Variants in MMUT observed in about 807,000 individuals in gnomAD.
MMUT encodes methylmalonyl-CoA mutase.
In MMUT, 79 loss-of-function variants were observed where a neutral mutation model predicts 79.9. The ratio of observed to expected loss-of-function variants is 0.99; its 90% CI spans 0.82 to 1.19. MMUT has a LOEUF of 1.19. Among genes scored for constraint, MMUT ranks in the 50% most tolerant of loss-of-function variants. MMUT has a pLI of 0.00. For missense variants in MMUT, 860 were observed against 917.2 expected (o/e 0.94, Z 0.81); for synonymous variants, 273 against 295.7 (o/e 0.92, Z 0.79).
intron 8 of MMUT, 151 bp from the exon 9 acceptor site, chr6:49,444,905 A>G: frequency 1.7e-6 from 1 of 583,212 alleles, no homozygotes. Context: ...AATAATATAT[A>G]ACCTAGGAAT....
chr6:49,445,403 A>C (rs537707815), intron 8 of MMUT, among the ~76,000 whole-genome samples: 1 of 152,204 alleles, frequency 6.6e-6, no homozygotes, highest in East Asian at 1.9e-4. Context: ...AGAGTCTAAA[A>C]TATACTGCTC....
In MMUT at chr6:49,430,947, G is replaced by T. The variant is rs992635137; in HGVS notation, c.*781C>A. 5 of 151,978 alleles carry T rather than the reference G, an allele frequency of 3.3e-5. No homozygotes were observed. The highest frequency in any genetic ancestry group is 3.3e-4 in the Admixed American group (5 of 15,268). 9.4% of individuals were successfully genotyped at this position (151,978 alleles called of 1,614,324 possible). A position where few individuals can be genotyped will look rare whatever the true frequency, so the allele number is the denominator to read the frequency against. On this transcript the variant is annotated 3_prime_UTR_variant, in exon 13 of 13. Coordinates refer to ENST00000274813, the MANE Select transcript of MMUT (RefSeq NM_000255.4). Reference sequence around the variant, plus strand: ...GCAAGGTAGCATCTTTCTAGATCTGGAAAGTTGAATTCTTTCTATATCACA... The same window carrying T: ...GCAAGGTAGCATCTTTCTAGATCTGTAAAGTTGAATTCTTTCTATATCACA...
intron 6 of MMUT, 74 bp from the exon 7 acceptor site, chr6:49,449,001 G>A: frequency 1.2e-6 from 1 of 868,926 alleles, no homozygotes; most frequent in Non-Finnish European, 1.9e-6. Context: ...TTTGTTATGA[G>A]TGTTATATAA....
intron 5 of MMUT, among the ~76,000 whole-genome samples, chr6:49,453,097 A>G (rs961048369): frequency 2.1e-5 from 3 of 139,704 alleles, no homozygotes; most frequent in African/African-American, 8.1e-5. Flanking sequence ...GCTGGAGTGC[A>G]GTGGCGTCAT....
chr6:49,431,924 C>G, intron 12 of MMUT, 68 bp from the exon 13 acceptor site: 1 of 1,550,746 alleles, frequency 6.4e-7, no homozygotes, highest in East Asian at 2.3e-5. Flanking sequence ...AAACCCTATC[C>G]TTTCTTCTTT....
At chr6:49,433,535 AT>A (rs909780505) in intron 12 of MMUT, among the ~76,000 whole-genome samples, 2 of 152,324 alleles carry the variant, frequency 1.3e-5, no homozygotes, top group Admixed American at 1.3e-4. Context: ...TGGGCCAGGG[AT>A]AGCACAGTGC....
intron 10 of MMUT, among the ~76,000 whole-genome samples, chr6:49,440,779 C>CA (rs1423766293): frequency 6.6e-6 from 1 of 152,072 alleles, no homozygotes; most frequent in Non-Finnish European, 1.5e-5. Flanking sequence ...TGAACTAAGA[C>CA]AAAAAATGAC....
chr6:49,458,045 T>C lies in MMUT; in HGVS notation c.399A>G (p.Gly133=), dbSNP rs2127420075. Residue 133 remains glycine (G), a synonymous_variant, in exon 3 of 13, where the codon GGA becomes GGG. Coordinates refer to ENST00000274813, the MANE Select transcript of MMUT (RefSeq NM_000255.4). ...YKDNIKAGQQ[G]LSVAFDLATH... is the part of the protein sequence containing the mutation. ...TCGCCAGATCAAAGGCAACTGATAA[T>C]CCCTGCTGACCAGCTAAATATATAA... 6.2e-7 allele frequency: 1 copy of C among 1,601,104 alleles called. No individual in the cohort carries two copies. Among genetic ancestry groups the C allele is most frequent in the East Asian group, 2.2e-5 (1 of 44,858 alleles).
chr6:49,454,025 C>G (rs998136619), intron 4 of MMUT, among the ~76,000 whole-genome samples: 2 of 151,918 alleles, frequency 1.3e-5, no homozygotes, highest in East Asian at 1.9e-4. Context: ...TTCCTATGCC[C>G]TTCATTAAAT....
intron 9 of MMUT, among the ~76,000 whole-genome samples, chr6:49,444,257 A>G (rs1010139509): frequency 6.6e-6 from 1 of 152,056 alleles, no homozygotes; most frequent in Admixed American, 6.6e-5. Context: ...AGTTTTTCCT[A>G]TAAATTCTCA....
chr6:49,455,932 G>T, intron 4 of MMUT, 148 bp downstream of exon 4: 1 of 672,500 alleles, frequency 1.5e-6, no homozygotes, highest in Non-Finnish European at 2.4e-6. Context: ...TAGAAATATT[G>T]GCTTTTTCTC....
rs1421261154 is a variant in MMUT, at chr6:49,444,631, A to C, written c.1676+8T>G. The C allele has an allele frequency of 6.2e-7, 1 of 1,609,120 alleles. No homozygotes were observed. On this transcript the variant is annotated splice_region_variant and intron_variant, in intron 9 of 12. Coordinates refer to ENST00000274813, the MANE Select transcript of MMUT (RefSeq NM_000255.4). Reference sequence around the variant, plus strand: ...TCTTTGGAAACCTCCAAACTTATATATCTTCACCTTGCCCGAGATGCATCC... The same window carrying C: ...TCTTTGGAAACCTCCAAACTTATATCTCTTCACCTTGCCCGAGATGCATCC...
rs561909809 is a variant in MMUT at position 49,433,677 on chromosome 6, C to T, written c.2124+1779G>A. Among the ~76,000 whole-genome samples, 490 of 152,198 alleles carry T rather than the reference C, an allele frequency of 3.2e-3. 5 individuals carry two copies. The highest frequency in any genetic ancestry group is 0.011 in the African/African-American group (460 of 41,532). ...CTGATGAGGAGAGACCACGTTTATT[C>T]ATTTAATCAGACTGCAGAAACTGTT... is the stretch of plus-strand genomic sequence containing the variant. On this transcript the variant is annotated intron_variant, in intron 12 of 12. Transcript: ENST00000274813.
At chr6:49,461,326 A>G (rs891033918) in intron 1 of MMUT, among the ~76,000 whole-genome samples, 1 of 152,208 alleles carries the variant, frequency 6.6e-6, no homozygotes, top group African/African-American at 2.4e-5. Flanking sequence ...TATATGTATA[A>G]GTAAAAAGTT....
rs1767442972 is a variant in MMUT at position 49,447,676 on chromosome 6, A to C, written c.1554T>G (p.Leu518=). 1 of 1,583,702 alleles carries C rather than the reference A, an allele frequency of 6.3e-7. No homozygotes were observed. The highest frequency in any genetic ancestry group is 1.7e-5 in the Admixed American group (1 of 59,744). ...TSVRNRQIEK[L]KKIKSSRDQA... ...AAAAGCAAGCTATTAATACCTTCTT[A>C]AGTTTTTCAATCTGCCTGTTTCGCA... is the stretch of plus-strand genomic sequence containing the variant. The change falls in exon 8 of 13, where the codon CTT becomes CTG. Residue 518 remains leucine (L), a synonymous_variant. Coordinates refer to ENST00000274813, the MANE Select transcript of MMUT (RefSeq NM_000255.4).
rs748363752 is a variant in MMUT at position 49,431,819 on chromosome 6, A to G, written c.2162T>C (p.Val721Ala). 24 of 1,613,750 alleles carry G rather than the reference A, an allele frequency of 1.5e-5. No homozygotes were observed. The highest frequency in any genetic ancestry group is 1.6e-4 in the Middle Eastern group (1 of 6,082). Residue 721 changes from valine to alanine, a missense_variant, in exon 13 of 13, where the codon GTA (valine) becomes GCA (alanine). Val to Ala is a moderately conservative substitution (Grantham distance 64). Coordinates refer to ENST00000274813, the MANE Select transcript of MMUT (RefSeq NM_000255.4). ...TGGAATTCGAGTCCCAGGACCAAAT[A>G]CATTGGAAACACCAACTTCAAACAG... The part of the protein sequence containing the change: ...EFLFEVGVSN[V>A]FGPGTRIPKA...
chr6:49,431,619 G>A lies in MMUT; in HGVS notation c.*109C>T, dbSNP rs1561948704. 1.7e-6 allele frequency: 2 copies of A among 1,206,716 alleles called. No individual in the cohort carries two copies. The highest frequency in any genetic ancestry group is 2.4e-5 in the East Asian group (1 of 41,518). 74.8% of individuals were successfully genotyped at this position (1,206,716 alleles called of 1,614,324 possible). Reference sequence around the variant, plus strand: ...AGGTATTTTAAAGTAAAGCTTTCAAGGAAAGTACAAATCAGGTATTGAAAT... The same window carrying A: ...AGGTATTTTAAAGTAAAGCTTTCAAAGAAAGTACAAATCAGGTATTGAAAT... On this transcript the variant is annotated 3_prime_UTR_variant, in exon 13 of 13. Transcript: ENST00000274813.
chr6:49,452,524 G>A (rs565560355), intron 5 of MMUT, among the ~76,000 whole-genome samples: 86 of 152,016 alleles, frequency 5.7e-4, no homozygotes, highest in Non-Finnish European at 1.1e-3. Context: ...TAGTAGAGAC[G>A]GGGTTTCACC....
rs764878769 is a variant in MMUT at position 49,431,870 on chromosome 6, G to A, written c.2125-14C>T. On this transcript the variant is annotated splice_polypyrimidine_tract_variant and intron_variant, in intron 12 of 12. Coordinates refer to ENST00000274813, the MANE Select transcript of MMUT (RefSeq NM_000255.4). ...AAATTCATAATCCTGTTGAAAGAAT[G>A]TGTTTAATTAATAAGAGCCACTATT... The A allele has an allele frequency of 2.5e-6, 4 of 1,611,858 alleles. No individual in the cohort carries two copies. In the East Asian group the frequency reaches 8.9e-5, roughly 36 times the overall value.
Sources: allele counts gnomAD v4.1 joint callset (sites outside exome capture counted in the v4.1 genomes callset), GRCh38; gene constraint gnomAD v4.1.1; transcripts MANE v1.5; gene names NCBI Gene and HGNC (gene_info 2026-07-23, HGNC 2026-07-21).